The following CDC42SE2 variants were observed in gnomAD, a reference collection of about 807,000 sequenced individuals.
CDC42SE2 encodes CDC42 small effector 2.
In CDC42SE2, 3 loss-of-function variants were observed where a neutral mutation model predicts 11.5. That is an observed-to-expected ratio of 0.26 (90% CI 0.12 to 0.67). CDC42SE2 has a LOEUF of 0.67. Ranked by LOEUF, CDC42SE2 falls within the 30% of genes least tolerant of loss-of-function variation. The pLI, the probability that CDC42SE2 is intolerant of heterozygous loss-of-function variation, is 0.80. For synonymous variants in CDC42SE2, 33 were observed against 34.8 expected (o/e 0.95, Z 0.18); for missense variants, 82 against 106.8 (o/e 0.77, Z 1.02).
chr5:131,238,629 A>T, the CDC42SE2 span, among the ~76,000 whole-genome samples: 1,239 of 152,068 alleles, frequency 8.1e-3, 14 homozygotes, highest in African/African-American at 0.027. Flanking sequence ...ATAATAATAA[A>T]AAAGAAAAGA....
intron 1 of CDC42SE2, among the ~76,000 whole-genome samples, chr5:131,278,600 C>A (rs1757152181): frequency 1.3e-5 from 2 of 149,938 alleles, no homozygotes; most frequent in Non-Finnish European, 1.5e-5. Flanking sequence ...GCCCTTTTCT[C>A]AAAGAGGTGG....
intron 1 of CDC42SE2, among the ~76,000 whole-genome samples, chr5:131,315,127 A>T (rs1303429621): frequency 6.6e-6 from 1 of 152,014 alleles, no homozygotes; most frequent in East Asian, 1.9e-4. Context: ...AAGACTGAGG[A>T]AGCAGTGTAT....
At chr5:131,321,520 C>A (rs889154836) in intron 2 of CDC42SE2, among the ~76,000 whole-genome samples, 7 of 152,042 alleles carry the variant, frequency 4.6e-5, no homozygotes, top group African/African-American at 1.7e-4. Flanking sequence ...TGCCTGATTT[C>A]TAAGATAAAG....
intron 2 of CDC42SE2, among the ~76,000 whole-genome samples, chr5:131,328,122 T>C (rs180791977): frequency 1.1e-3 from 171 of 152,260 alleles, no homozygotes; most frequent in Non-Finnish European, 2.8e-4. Context: ...ATTAATCTTT[T>C]GGGGATTTGG....
At chr5:131,232,915 T>C in the CDC42SE2 span, among the ~76,000 whole-genome samples, 1 of 151,692 alleles carries the variant, frequency 6.6e-6, no homozygotes, top group Non-Finnish European at 1.5e-5. Context: ...TTTTATGTTT[T>C]GACTAGGCTG....
intron 2 of CDC42SE2, among the ~76,000 whole-genome samples, chr5:131,355,144 G>C (rs1749494957): frequency 6.6e-6 from 1 of 152,144 alleles, no homozygotes; most frequent in African/African-American, 2.4e-5. Flanking sequence ...CAAGCATTTA[G>C]GAAAAGGGAT....
At chr5:131,288,949 G>T (rs1032354837) in intron 1 of CDC42SE2, among the ~76,000 whole-genome samples, 7 of 152,052 alleles carry the variant, frequency 4.6e-5, no homozygotes, top group African/African-American at 1.7e-4. Context: ...TCTTTGATCA[G>T]TATTATTTAT....
chr5:131,278,954 T>G (rs1757174324), intron 1 of CDC42SE2, among the ~76,000 whole-genome samples: 1 of 149,680 alleles, frequency 6.7e-6, no homozygotes, highest in Non-Finnish European at 1.5e-5. Context: ...CCGACTAATT[T>G]TTGTATTTTT....
chr5:131,288,821 C>G (rs1036028561), intron 1 of CDC42SE2, among the ~76,000 whole-genome samples: 2 of 152,188 alleles, frequency 1.3e-5, no homozygotes, highest in Admixed American at 6.5e-5. Flanking sequence ...TTTAGAGATG[C>G]TATTGACTAC....
chr5:131,337,976 C>G (rs168706), intron 2 of CDC42SE2, among the ~76,000 whole-genome samples: 165 of 152,282 alleles, frequency 1.1e-3, no homozygotes, highest in Admixed American at 2.0e-3. Flanking sequence ...ACCCACTGTC[C>G]GGCACTCCCC....
the CDC42SE2 span, among the ~76,000 whole-genome samples, chr5:131,239,819 G>T: frequency 6.6e-6 from 1 of 152,292 alleles, no homozygotes; most frequent in Non-Finnish European, 1.5e-5. Context: ...TGGGGAAGGG[G>T]ATCTCTATCC....
intron 1 of CDC42SE2, among the ~76,000 whole-genome samples, chr5:131,246,132 A>G (rs1345776792): frequency 6.6e-6 from 1 of 152,172 alleles, no homozygotes; most frequent in African/African-American, 2.4e-5. Flanking sequence ...TTCCTTGAGG[A>G]TATTATTTTA....
chr5:131,330,871 A>G (rs921360521), intron 2 of CDC42SE2, among the ~76,000 whole-genome samples: 1 of 151,204 alleles, frequency 6.6e-6, no homozygotes, highest in East Asian at 1.9e-4. Context: ...AAAAAAAAAA[A>G]TTTAAGTAGC....
chr5:131,371,361 T>G (rs1484260180), intron 3 of CDC42SE2, among the ~76,000 whole-genome samples: 1 of 152,206 alleles, frequency 6.6e-6, no homozygotes, highest in African/African-American at 2.4e-5. Context: ...TTTGGTCTGA[T>G]CTCTTATCAC....
chr5:131,257,038 G>A (rs1580716268), intron 2 of CDC42SE2, among the ~76,000 whole-genome samples: 1 of 152,160 alleles, frequency 6.6e-6, no homozygotes, highest in Non-Finnish European at 1.5e-5. Context: ...TGGGGATTAT[G>A]TAGGGCATGT....
intron 2 of CDC42SE2, among the ~76,000 whole-genome samples, chr5:131,321,038 C>T (rs1248214857): frequency 1.3e-5 from 2 of 152,118 alleles, no homozygotes; most frequent in Non-Finnish European, 2.9e-5. Context: ...TGTAGGTATT[C>T]TAATGCCTTA....
chr5:131,280,133 A>G (rs1256481927), intron 1 of CDC42SE2, among the ~76,000 whole-genome samples: 4 of 152,182 alleles, frequency 2.6e-5, no homozygotes, highest in Admixed American at 6.5e-5. Flanking sequence ...TTGCTTTGTT[A>G]ATTCTGAATA....
chr5:131,246,155 C>A (rs1174336308), intron 1 of CDC42SE2, among the ~76,000 whole-genome samples: 1 of 152,122 alleles, frequency 6.6e-6, no homozygotes. Flanking sequence ...GACTTCTAGT[C>A]AGGGCTATAA....
At chr5:131,295,570 A>G (rs757827441) in intron 1 of CDC42SE2, among the ~76,000 whole-genome samples, 1 of 152,166 alleles carries the variant, frequency 6.6e-6, no homozygotes, top group African/African-American at 2.4e-5. Flanking sequence ...TATATATAGT[A>G]TTTTTATAAA....
Sources: allele counts gnomAD v4.1 joint callset (sites outside exome capture counted in the v4.1 genomes callset), GRCh38; gene constraint gnomAD v4.1.1; transcripts MANE v1.5; gene names NCBI Gene and HGNC (gene_info 2026-07-23, HGNC 2026-07-21).